COL4A3: variants seen among roughly 807,000 people sequenced by gnomAD.
COL4A3 encodes the protein collagen alpha-3(IV) chain.
A neutral mutation model predicts 217.4 loss-of-function variants in COL4A3; 135 were observed. The ratio of observed to expected loss-of-function variants is 0.62; its 90% CI spans 0.54 to 0.72. COL4A3 has a LOEUF of 0.72. Among genes scored for constraint, COL4A3 ranks in the 30% least tolerant of loss-of-function variants. The pLI, the probability that COL4A3 is intolerant of heterozygous loss-of-function variation, is 0.00. For synonymous variants in COL4A3, 690 were observed against 736.3 expected (o/e 0.94, Z 1.02); for missense variants, 1,868 against 2,119.9 (o/e 0.88, Z 2.33).
At chr2:227,269,874 C>CA (rs1559884441) in intron 23 of COL4A3, 36 bp from the exon 24 acceptor site, 1 of 1,587,518 alleles carries the variant, frequency 6.3e-7, no homozygotes, top group East Asian at 2.2e-5. Context: ...AGTTGGCGTT[C>CA]AATGAGGAGT....
At position 227,202,707 on chromosome 2, in the gene COL4A3, C is replaced by T. The variant is rs558525870; in HGVS notation, c.88-35261C>T. Among the ~76,000 whole-genome samples the T allele has an allele frequency of 7.3e-4, 102 of 140,040 alleles. 3 individuals are homozygous for T. The Middle Eastern group carries it at 0.015, about 21-fold the overall frequency. The allele number at this position is 140,040 out of a possible 152,430, so 91.9% of individuals were successfully genotyped here. A position where few individuals can be genotyped will look rare whatever the true frequency, so the allele number is the denominator to read the frequency against. On this transcript the variant is annotated intron_variant, in intron 1 of 51. Transcript: ENST00000396578. Reference sequence around the variant, plus strand: ...CCGAGATAGCGCCACTGCAGTCCGGCCTGGGAGAAAGTGCGAGAATCCGTC... The same window carrying T: ...CCGAGATAGCGCCACTGCAGTCCGGTCTGGGAGAAAGTGCGAGAATCCGTC...
intron 36 of COL4A3, 80 bp from the exon 37 acceptor site, chr2:227,290,667 C>A (rs1196270891): frequency 1.4e-6 from 2 of 1,406,782 alleles, no homozygotes; most frequent in Non-Finnish European, 2.0e-6. Context: ...TGGGAGAAAG[C>A]TTATGTAAAA....
intron 1 of COL4A3, among the ~76,000 whole-genome samples, chr2:227,200,211 T>C (rs2066631603): frequency 1.3e-5 from 2 of 152,208 alleles, no homozygotes; most frequent in Non-Finnish European, 2.9e-5. Flanking sequence ...CTTTACATAG[T>C]GTGTATGTGT....
In COL4A3 at chr2:227,224,051, C is replaced by A. The variant is rs148476522; in HGVS notation, c.88-13917C>A. 5.0e-3 allele frequency among the ~76,000 whole-genome samples: 767 copies of A among 152,312 alleles called. 3 individuals carry two copies. The highest frequency in any genetic ancestry group is 6.7e-3 in the Non-Finnish European group (458 of 68,034). ...GCAGAAAAGTCAACATGAAGCAGAG[C>A]CTCTGTGCTCTGAAGTTTGCACGCA... is the stretch of plus-strand genomic sequence containing the variant. On this transcript the variant is annotated intron_variant, in intron 1 of 51. Transcript: ENST00000396578.
chr2:227,289,030 A>G, intron 34 of COL4A3, 120 bp from the exon 35 acceptor site: 1 of 720,078 alleles, frequency 1.4e-6, no homozygotes, highest in Admixed American at 2.1e-5. Flanking sequence ...AGCTCACTTC[A>G]ACCTCTGTCT....
At chr2:227,167,810 A>C (rs2065332600) in intron 1 of COL4A3, among the ~76,000 whole-genome samples, 1 of 152,150 alleles carries the variant, frequency 6.6e-6, no homozygotes, top group Non-Finnish European at 1.5e-5. Flanking sequence ...GGAAAAAAAA[A>C]ATCTGAATAC....
chr2:227,270,626 G>T, intron 24 of COL4A3, 144 bp from the exon 25 acceptor site: 1 of 766,576 alleles, frequency 1.3e-6, no homozygotes, highest in Non-Finnish European at 2.1e-6. Flanking sequence ...CAAACAAAAT[G>T]CTTGTAATAA....
In COL4A3 at chr2:227,261,070, A is replaced by T; in HGVS notation, c.1115-12A>T. ...TCTTTCTAAGCAATTAATTAATGTT[A>T]TATATTCCCAGGTCCCAGTGGTCCC... On this transcript the variant is annotated splice_polypyrimidine_tract_variant and intron_variant, in intron 19 of 51. Transcript: ENST00000396578. The T allele has an allele frequency of 6.2e-7, 1 of 1,607,580 alleles. No homozygotes were observed. Among genetic ancestry groups the T allele is most frequent in the Non-Finnish European group, 8.5e-7 (1 of 1,174,090 alleles).
chr2:227,293,141 C>G, intron 37 of COL4A3, 50 bp from the exon 38 acceptor site: 2 of 1,611,184 alleles, frequency 1.2e-6, no homozygotes, highest in Non-Finnish European at 1.7e-6. Flanking sequence ...GAATTCTTAC[C>G]ACATATCCTG....
intron 3 of COL4A3, among the ~76,000 whole-genome samples, chr2:227,241,099 C>CA (rs2068993271): frequency 6.6e-6 from 1 of 152,216 alleles, no homozygotes; most frequent in Admixed American, 6.5e-5. Context: ...TGACCCTTCA[C>CA]ACTCATCACA....
chr2:227,277,828 C>T (rs1336955962), intron 28 of COL4A3, among the ~76,000 whole-genome samples: 4 of 151,890 alleles, frequency 2.6e-5, no homozygotes, highest in Non-Finnish European at 4.4e-5. Context: ...GGTGAAACCC[C>T]GTCTCTATTA....
At position 227,249,228 on chromosome 2, in the gene COL4A3, A is replaced by ATTTTTTTTT. The variant is rs1437063843; in HGVS notation, c.546+709_546+710insTTTTTTTTT. Reference sequence around the variant, plus strand: ...AATTAGCTAGTATATATATATATATATATTTTTTTTTTTTTTTTTTTTTTT... The same window carrying ATTTTTTTTT: ...AATTAGCTAGTATATATATATATATATTTTTTTTTTATTTTTTTTTTTTTTTTTTTTTTT... On this transcript the variant is annotated intron_variant, in intron 9 of 51. Transcript: ENST00000396578. 4.2e-3 allele frequency among the ~76,000 whole-genome samples: 93 copies of ATTTTTTTTT among 22,176 alleles called. 5 individuals carry two copies. The highest frequency in any genetic ancestry group is 0.013 in the African/African-American group (88 of 6,676). 14.5% of individuals were successfully genotyped at this position (22,176 alleles called of 152,430 possible). A position where few individuals can be genotyped will look rare whatever the true frequency, so the allele number is the denominator to read the frequency against.
chr2:227,178,375 C>A (rs779098713), intron 1 of COL4A3, among the ~76,000 whole-genome samples: 13 of 151,554 alleles, frequency 8.6e-5, no homozygotes, highest in Non-Finnish European at 1.8e-4. Context: ...AGAGTGAGAT[C>A]CATATCAAAA....
intron 1 of COL4A3, among the ~76,000 whole-genome samples, chr2:227,235,308 A>G (rs2068629932): frequency 6.6e-6 from 1 of 152,250 alleles, no homozygotes; most frequent in Non-Finnish European, 1.5e-5. Context: ...CAGAAAGACA[A>G]GATTAAAATC....
intron 1 of COL4A3, among the ~76,000 whole-genome samples, chr2:227,189,126 G>A (rs1370669563): frequency 6.6e-6 from 1 of 152,114 alleles, no homozygotes; most frequent in African/African-American, 2.4e-5. Flanking sequence ...TGGAGGGAGA[G>A]AGGCCAGGGG....
At chr2:227,202,425 G>A (rs976842154) in intron 1 of COL4A3, among the ~76,000 whole-genome samples, 1 of 152,036 alleles carries the variant, frequency 6.6e-6, no homozygotes, top group African/African-American at 2.4e-5. Context: ...AACTGATAAT[G>A]CTGGTATGCG....
intron 36 of COL4A3, among the ~76,000 whole-genome samples, 158 bp from the exon 37 acceptor site, chr2:227,290,589 A>G (rs1342039698): frequency 1.3e-5 from 2 of 152,208 alleles, no homozygotes; most frequent in African/African-American, 4.8e-5. Flanking sequence ...CAAAATAAAT[A>G]TTGATATTAT....
In COL4A3 at chr2:227,253,622, G is replaced by C; in HGVS notation, c.749G>C (p.Gly250Ala). The C allele has an allele frequency of 6.2e-7, 1 of 1,613,836 alleles. No individual in the cohort carries two copies. Residue 250 changes from glycine (G) to alanine (A), a missense_variant, in exon 13 of 52, where the codon GGC (glycine) becomes GCC (alanine). Gly to Ala is a moderately conservative substitution (Grantham distance 60). This residue lies in a region of COL4A3 where 365 missense variants were observed against 333.8 expected (regional missense o/e 1.09). Coordinates refer to ENST00000396578, the MANE Select transcript of COL4A3 (RefSeq NM_000091.5). The surrounding 1 kb of genome is among the most constrained non-coding windows in gnomAD (Gnocchi z 4.4). ...PPGTVIVTLT[G>A]PDNRTDLKGE... Reference sequence around the variant, plus strand: ...GGAACAGTTATTGTGACCCTAACTGGCCCAGATAACAGAACGGTAACTCTG... The same window carrying C: ...GGAACAGTTATTGTGACCCTAACTGCCCCAGATAACAGAACGGTAACTCTG...
intron 38 of COL4A3, 162 bp from the exon 39 acceptor site, chr2:227,294,328 A>T: frequency 1.4e-6 from 1 of 702,660 alleles, no homozygotes. Context: ...TCTCCAGGAA[A>T]ATTGCAGCCT....
Sources: gnomAD v4.1 joint callset for allele counts (sites outside exome capture counted in the v4.1 genomes callset) on GRCh38, gnomAD v4.1.1 for gene constraint, gnomAD v4.1.1 regional missense constraint, Gnocchi (gnomAD v3.1) non-coding constraint, MANE v1.5 for transcripts, NCBI Gene and HGNC (gene_info 2026-07-23, HGNC 2026-07-21) for gene names.